The following NOL4 variants were observed in gnomAD, a reference collection of about 807,000 sequenced individuals.
The protein encoded by NOL4 is nucleolar protein 4.
In NOL4, 17 loss-of-function variants were observed where a neutral mutation model predicts 75.9. That is an observed-to-expected ratio of 0.22 (90% confidence interval 0.15 to 0.34). The LOEUF is 0.34. Among genes scored for constraint, NOL4 ranks in the 10% least tolerant of loss-of-function variants. The pLI, the probability that NOL4 is intolerant of heterozygous loss-of-function variation, is 1.00. For synonymous variants in NOL4, 292 were observed against 289.9 expected (o/e 1.01, Z -0.07); for missense variants, 614 against 793.5 (o/e 0.77, Z 2.72).
chr18:33,872,863 A>G (rs1171980470), intron 10 of NOL4, among the ~76,000 whole-genome samples: 1 of 152,068 alleles, frequency 6.6e-6, no homozygotes, highest in Non-Finnish European at 1.5e-5. Context: ...AGTATTTAAA[A>G]TAGGAAAATA....
chr18:34,023,213 G>T (rs946770581), intron 5 of NOL4, among the ~76,000 whole-genome samples: 1 of 152,104 alleles, frequency 6.6e-6, no homozygotes, highest in African/African-American at 2.4e-5. Flanking sequence ...CAAAGTTTTT[G>T]ATGTCTTTAT....
rs1027772221 is a variant in NOL4 at position 33,906,661 on chromosome 18, T to C, written c.1543-23237A>G. On this transcript the variant is annotated intron_variant, in intron 9 of 10. Transcript: ENST00000261592. ...TTTGCAAATCTTTAATATATGTATC[T>C]GTTGAATAACAAATTAATTTTTTTC... Among the ~76,000 whole-genome samples the C allele has an allele frequency of 6.6e-5, 10 of 152,248 alleles. No individual in the cohort carries two copies. In the East Asian group the frequency reaches 1.9e-3, roughly 29 times the overall value.
chr18:34,034,804 T>G (rs1010111786), intron 5 of NOL4, among the ~76,000 whole-genome samples: 2 of 139,116 alleles, frequency 1.4e-5, no homozygotes, highest in African/African-American at 2.7e-5. Context: ...TATATTTACA[T>G]CAGATAAAAT....
chr18:34,181,423 C>G (rs1180153718), intron 1 of NOL4, among the ~76,000 whole-genome samples: 1 of 151,368 alleles, frequency 6.6e-6, no homozygotes, highest in African/African-American at 2.4e-5. Flanking sequence ...ATCAACTCAA[C>G]ATGGATCAAC....
At chr18:34,053,164 G>A (rs1309382722) in intron 5 of NOL4, among the ~76,000 whole-genome samples, 1 of 152,000 alleles carries the variant, frequency 6.6e-6, no homozygotes, top group African/African-American at 2.4e-5. Context: ...GATTGAAGAT[G>A]GTAGCAATGA....
At chr18:34,051,254 C>A (rs1014950357) in intron 5 of NOL4, among the ~76,000 whole-genome samples, 1 of 151,856 alleles carries the variant, frequency 6.6e-6, no homozygotes, top group Non-Finnish European at 1.5e-5. Flanking sequence ...TTAATAAAAT[C>A]TATATGACTG....
chr18:34,162,210 T>G (rs1018418339), intron 1 of NOL4, among the ~76,000 whole-genome samples: 3 of 152,040 alleles, frequency 2.0e-5, no homozygotes, highest in Non-Finnish European at 4.4e-5. Flanking sequence ...ATTCAAAAGC[T>G]AGCAGAAGGC....
intron 9 of NOL4, among the ~76,000 whole-genome samples, chr18:33,924,173 C>T (rs938943177): frequency 1.3e-5 from 2 of 152,184 alleles, no homozygotes; most frequent in African/African-American, 4.8e-5. Context: ...TGACAACTAT[C>T]GGGGGCAAAT....
At chr18:34,077,747 A>G (rs2077815854) in intron 5 of NOL4, among the ~76,000 whole-genome samples, 1 of 152,176 alleles carries the variant, frequency 6.6e-6, no homozygotes, top group African/African-American at 2.4e-5. Context: ...GAAAGGAAAT[A>G]TATTGACAGA....
intron 9 of NOL4, among the ~76,000 whole-genome samples, chr18:33,926,875 G>A (rs1348784345): frequency 6.6e-6 from 1 of 152,188 alleles, no homozygotes; most frequent in East Asian, 1.9e-4. Context: ...TGGGATTACA[G>A]GTGTGAGCCA....
At chr18:34,112,937 A>G (rs2079669927) in intron 2 of NOL4, among the ~76,000 whole-genome samples, 1 of 152,198 alleles carries the variant, frequency 6.6e-6, no homozygotes. Flanking sequence ...TTCACAATGT[A>G]TATGTGTATG....
chr18:34,141,828 C>A (rs531099994), intron 1 of NOL4, among the ~76,000 whole-genome samples: 9 of 152,186 alleles, frequency 5.9e-5, no homozygotes, highest in South Asian at 4.1e-4. Context: ...CCAGAATTGA[C>A]AAATGGGATC....
At chr18:34,122,494 A>G (rs2080189944) in intron 2 of NOL4, among the ~76,000 whole-genome samples, 1 of 152,140 alleles carries the variant, frequency 6.6e-6, no homozygotes, top group African/African-American at 2.4e-5. Context: ...ATATTAAAAG[A>G]AAAAAACCAT....
chr18:34,121,601 A>G (rs1370689418), intron 2 of NOL4, among the ~76,000 whole-genome samples: 1 of 152,190 alleles, frequency 6.6e-6, no homozygotes, highest in African/African-American at 2.4e-5. Flanking sequence ...TCGTTCATGT[A>G]TTTATGCAAG....
At chr18:34,176,233 G>A (rs554555601) in intron 1 of NOL4, among the ~76,000 whole-genome samples, 8 of 152,022 alleles carry the variant, frequency 5.3e-5, no homozygotes, top group East Asian at 3.9e-4. Flanking sequence ...ATTTGAACAC[G>A]AAGAAGGAAG....
At chr18:34,192,248 G>A (rs1465937402) in intron 1 of NOL4, among the ~76,000 whole-genome samples, 1 of 152,126 alleles carries the variant, frequency 6.6e-6, no homozygotes, top group Non-Finnish European at 1.5e-5. Flanking sequence ...GAAATCCTAT[G>A]TTCATGATTT....
chr18:34,053,831 AAT>A (rs1279980918), intron 5 of NOL4, among the ~76,000 whole-genome samples: 38 of 152,012 alleles, frequency 2.5e-4, no homozygotes, highest in Non-Finnish European at 4.6e-4. Context: ...TTATAAATTT[AAT>A]ATATCCAATT....
At chr18:34,131,428 T>C (rs1384189023) in intron 1 of NOL4, among the ~76,000 whole-genome samples, 1 of 152,058 alleles carries the variant, frequency 6.6e-6, no homozygotes. Flanking sequence ...CACAATTTCA[T>C]ATGCCTCCTC....
rs75788345 is a variant in NOL4, at chr18:33,987,561, T to C, written c.1057-29143A>G. Among the ~76,000 whole-genome samples the C allele has an allele frequency of 1.7e-3, 255 of 152,260 alleles. 1 individual carries two copies. The highest frequency in any genetic ancestry group is 5.9e-3 in the African/African-American group (244 of 41,568). ...ATATTTGATCCTTTGCAGCACACAA[T>C]GTGTGTTTGGATTTAGAATCTGTGA... On this transcript the variant is annotated intron_variant, in intron 6 of 10. Coordinates refer to ENST00000261592, the MANE Select transcript of NOL4 (RefSeq NM_003787.5).
Sources: gnomAD v4.1 joint callset for allele counts (sites outside exome capture counted in the v4.1 genomes callset) on GRCh38, gnomAD v4.1.1 for gene constraint, MANE v1.5 for transcripts, NCBI Gene and HGNC (gene_info 2026-07-23, HGNC 2026-07-21) for gene names.